ITGAM: variants seen among roughly 807,000 people sequenced by gnomAD.
ITGAM encodes integrin alpha-M.
ITGAM carries 79 observed loss-of-function variants against 137.5 expected under a neutral mutation model. The observed-to-expected ratio is 0.57, with a 90% CI of 0.48 to 0.69. The LOEUF is 0.69. ITGAM is among the 30% of genes least tolerant of loss of function. The probability of loss-of-function intolerance (pLI) is 0.00; values close to 1 mark genes in which losing one functional copy is unlikely to be tolerated. For synonymous variants in ITGAM, 583 were observed against 592.3 expected, an observed-to-expected ratio of 0.98 and a Z score of 0.23; for missense variants, 1,343 against 1,483.5, an observed-to-expected ratio of 0.91 and a Z score of 1.56.
rs2144483238 is a variant in ITGAM, at chr16:31,321,618, C to T, written c.1993C>T (p.Leu665=). ...TGTCCAGAAGAGCACACGGGATCGG[C>T]TAAGAGAAGGTGAGGCTTGGTGGAT... The part of the protein sequence containing the change: ...LHVQKSTRDR[L]REGQIQSVVT... Residue 665 remains leucine, a synonymous_variant, in exon 16 of 30, where the codon CTA becomes TTA. Transcript: ENST00000544665. 1.2e-6 allele frequency: 2 copies of T among 1,613,370 alleles called. No individual in the cohort carries two copies. The highest frequency in any genetic ancestry group is 1.7e-6 in the Non-Finnish European group (2 of 1,179,628).
chr16:31,276,772 G>A, intron 10 of ITGAM, 28 bp downstream of exon 10: 1 of 1,591,814 alleles, frequency 6.3e-7, no homozygotes, highest in Non-Finnish European at 8.6e-7. Flanking sequence ...AAATTGCGGG[G>A]GTGGGGCAGG....
rs1328924629 is a variant in ITGAM, at chr16:31,324,743, A to G, written c.2250A>G (p.Pro750=). ...TGTCTGCTTTCGGGAACCTCCGGCC[A>G]GTGCTGGCGGAGGATGCTCAGAGAC... ...TPLSAFGNLR[P]VLAEDAQRLF... Residue 750 remains proline (P), a synonymous_variant, in exon 18 of 30, where the codon CCA becomes CCG. Coordinates refer to ENST00000544665, the MANE Select transcript of ITGAM (RefSeq NM_000632.4). The surrounding 1 kb of genome is among the most constrained non-coding windows in gnomAD (Gnocchi z 4.5). 1.9e-6 allele frequency: 3 copies of G among 1,588,788 alleles called. No individual in the cohort carries two copies. The highest frequency in any genetic ancestry group is 1.8e-5 in the Admixed American group (1 of 56,128).
chr16:31,322,220 G>A (rs1344851183), intron 16 of ITGAM, among the ~76,000 whole-genome samples: 1 of 152,170 alleles, frequency 6.6e-6, no homozygotes, highest in Non-Finnish European at 1.5e-5. Flanking sequence ...GAGAGGCTGA[G>A]GTGGGAGGGG....
At chr16:31,330,238 G>C (rs2080562277) in intron 26 of ITGAM, 70 bp from the exon 27 acceptor site, 1 of 1,590,858 alleles carries the variant, frequency 6.3e-7, no homozygotes, top group East Asian at 2.2e-5. Flanking sequence ...TATGGTCTCT[G>C]AGCAAACGGG....
At chr16:31,329,938 C>T (rs1452105292) in intron 25 of ITGAM, 33 bp downstream of exon 25, 2 of 1,539,848 alleles carry the variant, frequency 1.3e-6, no homozygotes, top group Admixed American at 3.9e-5. Flanking sequence ...CCTGCACGGC[C>T]CTGCGCGTTC....
At chr16:31,265,726 C>A in intron 3 of ITGAM, 85 bp from the exon 4 acceptor site, 1 of 1,160,236 alleles carries the variant, frequency 8.6e-7, no homozygotes, top group Non-Finnish European at 1.3e-6. Flanking sequence ...CCTTGTCTCC[C>A]GCATGGAGGT....
At chr16:31,325,208 T>C in intron 19 of ITGAM, 55 bp from the exon 20 acceptor site, 1 of 1,568,104 alleles carries the variant, frequency 6.4e-7, no homozygotes, top group Non-Finnish European at 8.6e-7. Flanking sequence ...TGGAGCAGGC[T>C]TGCCACAGGG....
intron 23 of ITGAM, chr16:31,328,883 T>C (rs2080542881): frequency 2.3e-6 from 1 of 437,080 alleles, no homozygotes; most frequent in Admixed American, 3.8e-5. Flanking sequence ...TATGTGTGCA[T>C]GAGTGTGTAT....
chr16:31,328,279 T>A (rs1252753069), intron 23 of ITGAM, 49 bp downstream of exon 23: 3 of 1,372,752 alleles, frequency 2.2e-6, no homozygotes, highest in Non-Finnish European at 3.1e-6. Context: ...GGGCTGGACA[T>A]GGCTGATTGT....
chr16:31,264,684 G>T (rs1455224465), intron 2 of ITGAM, among the ~76,000 whole-genome samples: 1 of 151,746 alleles, frequency 6.6e-6, no homozygotes, highest in Non-Finnish European at 1.5e-5. Flanking sequence ...CTACAGGTGT[G>T]TACCACCATA....
chr16:31,272,786 T>C (rs2079865794), intron 7 of ITGAM, among the ~76,000 whole-genome samples: 1 of 151,646 alleles, frequency 6.6e-6, no homozygotes, highest in South Asian at 2.1e-4. Context: ...TATATATATT[T>C]TTAAAATTCA....
rs143030032 is a variant in ITGAM, at chr16:31,305,313, C to A, written c.1707+7359C>A. The stretch of plus-strand genomic sequence containing the variant: ...TGATTTGCATACATTGATTTTGTAA[C>A]CTGAGACTACTGAAATTGTTTATCA... On this transcript the variant is annotated intron_variant, in intron 14 of 29. Coordinates refer to ENST00000544665, the MANE Select transcript of ITGAM (RefSeq NM_000632.4). Among the ~76,000 whole-genome samples the A allele has an allele frequency of 7.2e-5, 11 of 152,224 alleles. No individual in the cohort carries two copies. The East Asian group carries it at 1.7e-3, about 24-fold the overall frequency.
chr16:31,307,105 G>A (rs1297329885), intron 14 of ITGAM, among the ~76,000 whole-genome samples: 2 of 152,136 alleles, frequency 1.3e-5, no homozygotes, highest in Admixed American at 1.3e-4. Flanking sequence ...TGTTCTTTTG[G>A]CTTAGGATTG....
Position 31,325,543 on chromosome 16 carries a change from C to T in ITGAM, c.2549C>T (p.Ala850Val), listed in dbSNP as rs767094940. 6.2e-7 allele frequency: 1 copy of T among 1,613,982 alleles called. No homozygotes were observed. Residue 850 changes from alanine to valine, a missense_variant, in exon 21 of 30, where the codon GCC becomes GTC. Transcript: ENST00000544665. Reference sequence around the variant, plus strand: ...TCCTGGCGCCTGGCCTGTGAGTCTGCCTCCTCCACCGAAGTGTCTGGGGCC... The same window carrying T: ...TCCTGGCGCCTGGCCTGTGAGTCTGTCTCCTCCACCGAAGTGTCTGGGGCC... ...QRSWRLACESASSTEVSGALK... is the reference protein window; with the variant it reads ...QRSWRLACESVSSTEVSGALK...
At chr16:31,276,497 A>G (rs1054734217) in intron 9 of ITGAM, among the ~76,000 whole-genome samples, 174 bp from the exon 10 acceptor site, 2 of 151,960 alleles carry the variant, frequency 1.3e-5, no homozygotes, top group Non-Finnish European at 2.9e-5. Flanking sequence ...ACGCCCAGCT[A>G]ATTTTTGTAT....
intron 14 of ITGAM, among the ~76,000 whole-genome samples, chr16:31,304,363 T>C (rs561514614): frequency 3.1e-4 from 47 of 152,352 alleles, no homozygotes; most frequent in African/African-American, 1.1e-3. Context: ...TTCTGGATAG[T>C]AGTCCTTTGT....
At position 31,321,515 on chromosome 16, in the gene ITGAM, A is replaced by C. The variant is rs2080450429; in HGVS notation, c.1890A>C (p.Glu630Asp). 2 of 1,614,034 alleles carry C rather than the reference A, an allele frequency of 1.2e-6. No homozygotes were observed. Among genetic ancestry groups the C allele is most frequent in the East Asian group, 4.5e-5 (2 of 44,890 alleles). The change falls in exon 16 of 30, where the codon GAA becomes GAC. Residue 630 changes from glutamate to aspartate, a missense_variant. Physicochemically the swap from Glu to Asp is conservative, Grantham distance 45. Transcript: ENST00000544665. ...CAATCATGGAGTTCAATCCCAGGGA[A>C]GTGGCAAGGAATGTATTTGAGTGTA... ...VKAIMEFNPR[E>D]VARNVFECND...
intron 5 of ITGAM, among the ~76,000 whole-genome samples, chr16:31,266,373 A>T (rs1349981199): frequency 6.6e-6 from 1 of 150,590 alleles, no homozygotes; most frequent in Non-Finnish European, 1.5e-5. Context: ...TTGGGAGCCC[A>T]GGAGCTTGAG....
chr16:31,296,133 C>A (rs1421728334), intron 12 of ITGAM, among the ~76,000 whole-genome samples: 1 of 142,730 alleles, frequency 7.0e-6, no homozygotes, highest in African/African-American at 2.6e-5. Flanking sequence ...TTAACAGAGT[C>A]TCTCTGTGTT....
Sources: gnomAD v4.1 joint callset for allele counts (sites outside exome capture counted in the v4.1 genomes callset) on GRCh38, gnomAD v4.1.1 for gene constraint, Gnocchi (gnomAD v3.1) non-coding constraint, MANE v1.5 for transcripts, NCBI Gene and HGNC (gene_info 2026-07-23, HGNC 2026-07-21) for gene names.